Variants in TRPV5 observed in about 807,000 individuals in gnomAD.
TRPV5 encodes calcium transport protein 2.
In TRPV5, 66 loss-of-function variants were observed where a neutral mutation model predicts 74.1. The observed-to-expected ratio is 0.89, with a 90% CI of 0.73 to 1.09. The LOEUF (loss-of-function observed/expected upper bound fraction) is 1.09. TRPV5 is among the 50% of genes least tolerant of loss of function. The probability of loss-of-function intolerance (pLI) is 0.00; values close to 1 mark genes in which losing one functional copy is unlikely to be tolerated. For synonymous variants in TRPV5, 399 were observed against 360.7 expected, an observed-to-expected ratio of 1.11 and a Z score of -1.20; for missense variants, 936 against 930.4, an observed-to-expected ratio of 1.01 and a Z score of -0.08.
In TRPV5 at chr7:142,928,184, T is replaced by C; in HGVS notation, c.813A>G (p.Gly271=). The change falls in exon 7 of 15, where the codon GGA becomes GGG. Residue 271 remains glycine, a synonymous_variant. Coordinates refer to ENST00000265310, the MANE Select transcript of TRPV5 (RefSeq NM_019841.7). The part of the protein sequence containing the change: ...QKRRHIQWTY[G]PLTSILYDLT... ...GGTCGTAGAGAATGGAGGTCAGGGG[T>C]CCATACGTCCACTGGATGTGCCTCC... 6.2e-7 allele frequency: 1 copy of C among 1,613,968 alleles called. No individual in the cohort carries two copies. Among genetic ancestry groups the C allele is most frequent in the Non-Finnish European group, 8.5e-7 (1 of 1,179,962 alleles).
chr7:142,908,347 G>C lies in TRPV5; in HGVS notation c.*167C>G. ...AATCGATGACCATTGCCCATTGCCA[G>C]AAATTCTGATGTGAAGTGTGAGGCA... On this transcript the variant is annotated 3_prime_UTR_variant, in exon 15 of 15. Transcript: ENST00000265310. 1.3e-6 allele frequency: 1 copy of C among 752,818 alleles called. No individual in the cohort carries two copies. Among genetic ancestry groups the C allele is most frequent in the Non-Finnish European group, 2.1e-6 (1 of 467,248 alleles). 46.6% of individuals were successfully genotyped at this position (752,818 alleles called of 1,614,324 possible).
chr7:142,930,267 C>T, intron 2 of TRPV5, 82 bp downstream of exon 2: 1 of 1,610,144 alleles, frequency 6.2e-7, no homozygotes, highest in Non-Finnish European at 8.5e-7. Flanking sequence ...CCTCCAAGGC[C>T]CTATTTCACA....
In TRPV5 at chr7:142,915,576, G is replaced by C; in HGVS notation, c.1123-8C>G. 1 of 1,613,678 alleles carries C rather than the reference G, an allele frequency of 6.2e-7. No homozygotes were observed. The highest frequency in any genetic ancestry group is 8.5e-7 in the Non-Finnish European group (1 of 1,179,738). ...ACGTGTCTCATAGGCCTCCTATGTG[G>C]GGAAATTCAGAAGAAGTGCTTTCTG... On this transcript the variant is annotated splice_polypyrimidine_tract_variant and splice_region_variant and intron_variant, in intron 8 of 14. Coordinates refer to ENST00000265310, the MANE Select transcript of TRPV5 (RefSeq NM_019841.7).
chr7:142,914,529 A>G (rs1018208129), intron 12 of TRPV5, 111 bp downstream of exon 12: 26 of 1,018,220 alleles, frequency 2.6e-5, no homozygotes, highest in Non-Finnish European at 3.8e-5. Flanking sequence ...AAAACAAACA[A>G]AAAAAAAGAA....
chr7:142,908,917 G>T, intron 14 of TRPV5, 109 bp from the exon 15 acceptor site: 1 of 1,135,118 alleles, frequency 8.8e-7, no homozygotes, highest in South Asian at 1.5e-5. Flanking sequence ...CAGAAATAAG[G>T]CAGCAGAGTT....
At chr7:142,933,308 C>T (rs749596162) in intron 1 of TRPV5, 24 bp downstream of exon 1, 2 of 1,611,200 alleles carry the variant, frequency 1.2e-6, no homozygotes, top group Admixed American at 1.7e-5. Flanking sequence ...GCGGTAGGGC[C>T]ACGGATCGTT....
Position 142,929,008 on chromosome 7 carries a change from A to T in TRPV5, c.586+14T>A. 3 of 1,613,614 alleles carry T rather than the reference A, an allele frequency of 1.9e-6. No homozygotes were observed. The highest frequency in any genetic ancestry group is 2.5e-6 in the Non-Finnish European group (3 of 1,179,944). On this transcript the variant is annotated intron_variant, in intron 5 of 14. Transcript: ENST00000265310. The stretch of plus-strand genomic sequence containing the variant: ...CCACAGCATCCCAGCTCCCCTCCCC[A>T]TCCCAGCTCTTACCCAGGGAGTCCT...
chr7:142,917,311 A>G (rs1184817870), intron 8 of TRPV5, among the ~76,000 whole-genome samples: 1 of 152,240 alleles, frequency 6.6e-6, no homozygotes, highest in African/African-American at 2.4e-5. Flanking sequence ...ACAAAATAAC[A>G]TTAAATATAG....
At chr7:142,917,096 TG>T (rs1332767370) in intron 8 of TRPV5, among the ~76,000 whole-genome samples, 2 of 151,736 alleles carry the variant, frequency 1.3e-5, no homozygotes, top group Admixed American at 6.6e-5. Flanking sequence ...TTTTTTGTTT[TG>T]TTTTGTTTTG....
intron 8 of TRPV5, among the ~76,000 whole-genome samples, chr7:142,917,083 GTTTTTTTT>G (rs1795814674): frequency 6.7e-6 from 1 of 149,074 alleles, no homozygotes; most frequent in African/African-American, 2.5e-5. Context: ...TTTTTTGTGC[GTTTTTTTT>G]GTTTTGTTTT....
chr7:142,917,960 T>C (rs906595030), intron 8 of TRPV5, among the ~76,000 whole-genome samples: 1 of 152,280 alleles, frequency 6.6e-6, no homozygotes, highest in African/African-American at 2.4e-5. Flanking sequence ...TAAAGCACTT[T>C]GATTTTCTTT....
At chr7:142,913,735 G>T (rs868161445) in intron 12 of TRPV5, among the ~76,000 whole-genome samples, 1 of 152,126 alleles carries the variant, frequency 6.6e-6, no homozygotes, top group African/African-American at 2.4e-5. Flanking sequence ...CCCATTGAAC[G>T]GGAAATCCCT....
intron 12 of TRPV5, 96 bp from the exon 13 acceptor site, chr7:142,912,846 A>G: frequency 1.2e-6 from 1 of 832,500 alleles, no homozygotes; most frequent in Non-Finnish European, 1.9e-6. Context: ...TGATCTATCT[A>G]TCTATCTATC....
chr7:142,918,086 G>A (rs1035495419), intron 8 of TRPV5, among the ~76,000 whole-genome samples: 6 of 152,148 alleles, frequency 3.9e-5, no homozygotes, highest in Non-Finnish European at 8.8e-5. Flanking sequence ...ATGGAAAGGG[G>A]CATTAAATTG....
chr7:142,913,221 C>T (rs1586214925), intron 12 of TRPV5, among the ~76,000 whole-genome samples: 1 of 152,124 alleles, frequency 6.6e-6, no homozygotes, highest in Non-Finnish European at 1.5e-5. Context: ...CTCTAGATAA[C>T]CCTCCATCAC....
rs1371543247 is a variant in TRPV5 at position 142,926,483 on chromosome 7, A to G, written c.910-742T>C. On this transcript the variant is annotated intron_variant, in intron 7 of 14. Transcript: ENST00000265310. Reference sequence around the variant, plus strand: ...CATTAACAGCATGAATATCTTTTCTACTGAAGCTGGAGGGGAGGAGAGAGA... The same window carrying G: ...CATTAACAGCATGAATATCTTTTCTGCTGAAGCTGGAGGGGAGGAGAGAGA... 2.0e-5 allele frequency among the ~76,000 whole-genome samples: 3 copies of G among 152,150 alleles called. No individual in the cohort carries two copies. In the South Asian group the frequency reaches 6.2e-4, roughly 31 times the overall value.
rs1214243226 is a variant in TRPV5, at chr7:142,925,534, G to A, written c.1117C>T (p.Leu373=). 3.1e-6 allele frequency: 5 copies of A among 1,614,184 alleles called. No homozygotes were observed. In the African/African-American group the frequency reaches 6.7e-5, roughly 22 times the overall value. ...RDITILQQKL[L]QEAYETREDI... ...CCCCTTCTGAGGAGAATCACCTGTA[G>A]TAGTTTTTGCTGGAGGATGGTGATG... The change falls in exon 8 of 15, where the codon CTA becomes TTA. Residue 373 remains leucine, a synonymous_variant. Coordinates refer to ENST00000265310, the MANE Select transcript of TRPV5 (RefSeq NM_019841.7).
At chr7:142,925,348 T>C (rs1358759632) in intron 8 of TRPV5, 181 bp downstream of exon 8, 7 of 629,016 alleles carry the variant, frequency 1.1e-5, no homozygotes, top group Non-Finnish European at 2.0e-5. Flanking sequence ...ACAAATGCTC[T>C]TGTGCTCATT....
rs551830212 is a variant in TRPV5, at chr7:142,909,716, T to C, written c.1789-120A>G. 735 of 1,037,672 alleles carry C rather than the reference T, an allele frequency of 7.1e-4. 3 individuals carry two copies. The highest frequency in any genetic ancestry group is 8.0e-4 in the Non-Finnish European group (566 of 710,308). The allele number at this position is 1,037,672 out of a possible 1,614,324, so 64.3% of individuals were successfully genotyped here. A position where few individuals can be genotyped will look rare whatever the true frequency, so the allele number is the denominator to read the frequency against. On this transcript the variant is annotated intron_variant, in intron 13 of 14. Coordinates refer to ENST00000265310, the MANE Select transcript of TRPV5 (RefSeq NM_019841.7). ...TGTGAGATAGGACACTAGAGGTCAG[T>C]GGTGAGAACAGCCACCTATTCACCC...
Sources: gnomAD v4.1 joint callset for allele counts (sites outside exome capture counted in the v4.1 genomes callset) on GRCh38, gnomAD v4.1.1 for gene constraint, MANE v1.5 for transcripts, NCBI Gene and HGNC (gene_info 2026-07-23, HGNC 2026-07-21) for gene names.